The following WWOX variants were observed in gnomAD, a reference collection of about 807,000 sequenced individuals.
The protein encoded by WWOX is WW domain containing oxidoreductase.
Under a neutral mutation model 46.2 loss-of-function variants are expected in WWOX, and 69 were observed. That is an observed-to-expected ratio of 1.49 (90% confidence interval 1.23 to 1.82). The LOEUF (loss-of-function observed/expected upper bound fraction) is 1.82, where lower values mean the gene tolerates loss of function less well. Ranked by LOEUF, WWOX falls within the 40% of genes most tolerant of loss-of-function variation. The pLI is 0.00. For synonymous variants in WWOX, 359 were observed against 202.6 expected (o/e 1.77, Z -6.56); for missense variants, 919 against 542.6 (o/e 1.69, Z -6.89).
At chr16:78,157,209 C>A (rs10871347) in intron 4 of WWOX, among the ~76,000 whole-genome samples, 120,279 of 152,112 alleles carry the variant, frequency 0.79, 47,715 homozygotes, top group East Asian at 0.89. Context: ...TCCCGGGCTC[C>A]CAAATGCAGT....
intron 8 of WWOX, among the ~76,000 whole-genome samples, chr16:78,827,677 A>T (rs1597681435): frequency 1.3e-5 from 1 of 77,680 alleles, no homozygotes; most frequent in Admixed American, 1.3e-4. Context: ...TACTAAAAAT[A>T]AAAAAAAAAA....
intron 8 of WWOX, among the ~76,000 whole-genome samples, chr16:78,789,553 C>G (rs1203985234): frequency 1.3e-5 from 2 of 152,080 alleles, no homozygotes; most frequent in East Asian, 3.9e-4. Context: ...TTACTGTACT[C>G]TGTGTAAGTT....
chr16:78,459,678 A>C (rs1296220856), intron 8 of WWOX, among the ~76,000 whole-genome samples: 1 of 152,234 alleles, frequency 6.6e-6, no homozygotes, highest in African/African-American at 2.4e-5. Flanking sequence ...TATTCTTGGA[A>C]GTCGTCTTCT....
intron 5 of WWOX, among the ~76,000 whole-genome samples, chr16:78,256,561 A>G (rs964487975): frequency 1.3e-5 from 2 of 151,706 alleles, no homozygotes; most frequent in African/African-American, 2.4e-5. Context: ...CCTGGCCTCA[A>G]TTAACTGAGG....
At chr16:78,768,364 C>T (rs1425808125) in intron 8 of WWOX, among the ~76,000 whole-genome samples, 1 of 146,374 alleles carries the variant, frequency 6.8e-6, no homozygotes, top group Non-Finnish European at 1.5e-5. Context: ...CTGAGGTGGG[C>T]GGATCATCTG....
intron 8 of WWOX, among the ~76,000 whole-genome samples, chr16:78,544,727 T>C (rs554774182): frequency 6.6e-6 from 1 of 151,060 alleles, no homozygotes; most frequent in East Asian, 2.0e-4. Context: ...ATTTAAAAAT[T>C]AGCTGGGTAT....
intron 8 of WWOX, among the ~76,000 whole-genome samples, chr16:78,557,017 C>T (rs543312087): frequency 3.3e-5 from 5 of 151,962 alleles, no homozygotes; most frequent in African/African-American, 9.7e-5. Context: ...CGAGCCCAGC[C>T]GGCAAACTTA....
At chr16:78,799,132 G>A (rs1024939056) in intron 8 of WWOX, among the ~76,000 whole-genome samples, 2 of 151,604 alleles carry the variant, frequency 1.3e-5, no homozygotes, top group African/African-American at 2.4e-5. Context: ...ATGGTTCCTG[G>A]CATTTGTGTC....
intron 8 of WWOX, among the ~76,000 whole-genome samples, chr16:79,050,541 G>A (rs543614661): frequency 2.6e-5 from 4 of 152,212 alleles, no homozygotes; most frequent in Non-Finnish European, 5.9e-5. Context: ...GTTAGAGAGG[G>A]AGGATACTGC....
chr16:78,748,125 CT>C (rs765494206), intron 8 of WWOX, among the ~76,000 whole-genome samples: 3 of 152,140 alleles, frequency 2.0e-5, no homozygotes, highest in Non-Finnish European at 4.4e-5. Flanking sequence ...CTCCACTCCT[CT>C]ATCTCGCATT....
intron 5 of WWOX, among the ~76,000 whole-genome samples, chr16:78,204,749 C>T (rs149886974): frequency 2.0e-5 from 3 of 152,208 alleles, no homozygotes; most frequent in South Asian, 2.1e-4. Flanking sequence ...TACACACCTG[C>T]GTGCTGGGAT....
intron 8 of WWOX, among the ~76,000 whole-genome samples, chr16:78,527,922 C>G (rs562956957): frequency 6.7e-6 from 1 of 150,330 alleles, no homozygotes; most frequent in Non-Finnish European, 1.5e-5. Context: ...TCAGCAGTGC[C>G]CAGGTTGGGA....
At chr16:78,365,944 A>C (rs938454322) in intron 5 of WWOX, among the ~76,000 whole-genome samples, 1 of 152,310 alleles carries the variant, frequency 6.6e-6, no homozygotes. Flanking sequence ...TGAACTGGAC[A>C]GAAGTATTAT....
At chr16:78,778,869 T>G (rs538143912) in intron 8 of WWOX, among the ~76,000 whole-genome samples, 1 of 152,238 alleles carries the variant, frequency 6.6e-6, no homozygotes, top group Admixed American at 6.5e-5. Flanking sequence ...AACACCCACA[T>G]TGACCCAGCA....
At chr16:79,195,408 T>C (rs1233561984) in intron 8 of WWOX, among the ~76,000 whole-genome samples, 1 of 152,144 alleles carries the variant, frequency 6.6e-6, no homozygotes, top group Admixed American at 6.5e-5. Context: ...TGATGTGGGC[T>C]CCCTCCTGGA....
intron 8 of WWOX, among the ~76,000 whole-genome samples, chr16:78,483,852 G>C (rs2084560833): frequency 6.6e-6 from 1 of 152,162 alleles, no homozygotes; most frequent in Non-Finnish European, 1.5e-5. Flanking sequence ...CCAGCATCAT[G>C]ATGCAAGCAT....
chr16:78,569,774 A>G (rs532522730), intron 8 of WWOX, among the ~76,000 whole-genome samples: 1 of 152,166 alleles, frequency 6.6e-6, no homozygotes, highest in African/African-American at 2.4e-5. Flanking sequence ...TGAACCTTTT[A>G]TCCTCTTCTT....
intron 5 of WWOX, among the ~76,000 whole-genome samples, chr16:78,321,216 C>T (rs1333449246): frequency 6.6e-6 from 1 of 151,184 alleles, no homozygotes; most frequent in African/African-American, 2.4e-5. Flanking sequence ...TGAGTACCAC[C>T]CACTCCCTTG....
chr16:78,379,106 C>T (rs974831296), intron 5 of WWOX, among the ~76,000 whole-genome samples: 1 of 152,160 alleles, frequency 6.6e-6, no homozygotes, highest in African/African-American at 2.4e-5. Flanking sequence ...ATTATAGATG[C>T]TTCAGAAGAT....
Sources: allele counts gnomAD v4.1 joint callset (sites outside exome capture counted in the v4.1 genomes callset), GRCh38; gene constraint gnomAD v4.1.1; transcripts MANE v1.5; gene names NCBI Gene and HGNC (gene_info 2026-07-23, HGNC 2026-07-21).